Variants in ANKFN1 observed in about 807,000 individuals in gnomAD.
ANKFN1 encodes ankyrin repeat and fibronectin type-III domain-containing protein 1.
A neutral mutation model predicts 108.7 loss-of-function variants in ANKFN1; 74 were observed. The ratio of observed to expected loss-of-function variants is 0.68; its 90% CI spans 0.56 to 0.83. The LOEUF is 0.83. Ranked by LOEUF, ANKFN1 falls within the 40% of genes least tolerant of loss-of-function variation. The probability of loss-of-function intolerance (pLI) is 0.00; values close to 1 mark genes in which losing one functional copy is unlikely to be tolerated. For missense variants in ANKFN1, 1,505 were observed against 1,382.3 expected, an observed-to-expected ratio of 1.09 and a Z score of -1.41; for synonymous variants, 547 against 516.2, an observed-to-expected ratio of 1.06 and a Z score of -0.81.
intron 4 of ANKFN1, among the ~76,000 whole-genome samples, chr17:56,056,207 C>G (rs1028927909): frequency 6.6e-6 from 1 of 151,934 alleles, no homozygotes; most frequent in Non-Finnish European, 1.5e-5. Flanking sequence ...TTTTCTTTTG[C>G]TGTGCAGACT....
intron 4 of ANKFN1, among the ~76,000 whole-genome samples, chr17:56,081,039 CA>C (rs1905239715): frequency 6.6e-6 from 1 of 152,080 alleles, no homozygotes; most frequent in Non-Finnish European, 1.5e-5. Context: ...GCGTGGAATA[CA>C]AAGACCTGGC....
At chr17:56,079,673 C>T (rs907108165) in intron 4 of ANKFN1, among the ~76,000 whole-genome samples, 7 of 152,182 alleles carry the variant, frequency 4.6e-5, no homozygotes, top group Non-Finnish European at 7.3e-5. Flanking sequence ...AAAAAAGAAG[C>T]TTCCTGCTCT....
intron 18 of ANKFN1, among the ~76,000 whole-genome samples, chr17:56,483,461 C>G (rs2050773004): frequency 6.6e-6 from 1 of 152,214 alleles, no homozygotes; most frequent in Non-Finnish European, 1.5e-5. Flanking sequence ...GCAACTGCAT[C>G]TGAATTTATC....
chr17:56,436,068 A>C (rs981994207), intron 8 of ANKFN1, among the ~76,000 whole-genome samples: 2 of 152,022 alleles, frequency 1.3e-5, no homozygotes, highest in South Asian at 4.1e-4. Context: ...TTTTCATTTT[A>C]ATCTTCCAGC....
In ANKFN1 at chr17:56,516,257, AGTGTGTGT is replaced by A. The variant is rs71139913; in HGVS notation, c.*5006_*5013del. ...GTTTGATGTTTGTGATTTTTAAAAA[AGTGTGTGT>A]GTGTGTGTGTGTGTGTGCGTGTGTG... On this transcript the variant is annotated 3_prime_UTR_variant, in exon 21 of 21. Transcript: ENST00000682825. Among the ~76,000 whole-genome samples the A allele has an allele frequency of 2.0e-5, 3 of 148,454 alleles. No individual in the cohort carries two copies. The highest frequency in any genetic ancestry group is 2.1e-4 in the South Asian group (1 of 4,654).
intron 1 of ANKFN1, among the ~76,000 whole-genome samples, chr17:56,193,967 T>G (rs1913254279): frequency 6.6e-6 from 1 of 152,136 alleles, no homozygotes; most frequent in East Asian, 1.9e-4. Flanking sequence ...GAGGCAAAGA[T>G]CTTAACAGAT....
chr17:56,169,986 G>T (rs1415638633), intron 1 of ANKFN1, among the ~76,000 whole-genome samples: 2 of 152,246 alleles, frequency 1.3e-5, no homozygotes, highest in African/African-American at 4.8e-5. Flanking sequence ...CCCTGATCAG[G>T]TCGATCTGGT....
chr17:56,223,226 A>G (rs911732744), intron 2 of ANKFN1, among the ~76,000 whole-genome samples: 1 of 152,214 alleles, frequency 6.6e-6, no homozygotes, highest in African/African-American at 2.4e-5. Context: ...ATAACCTCAC[A>G]TGCTGTTGAT....
At chr17:56,107,867 A>AT (rs1201382187) in intron 4 of ANKFN1, among the ~76,000 whole-genome samples, 2 of 152,000 alleles carry the variant, frequency 1.3e-5, no homozygotes, top group Admixed American at 6.6e-5. Context: ...TTTTTTAAAT[A>AT]TTTTTATTTT....
intron 8 of ANKFN1, among the ~76,000 whole-genome samples, chr17:56,409,736 C>A (rs1240085413): frequency 6.6e-6 from 1 of 152,038 alleles, no homozygotes. Context: ...CTTAATATGC[C>A]TAGCTTTTTT....
At chr17:56,477,698 G>C in intron 16 of ANKFN1, 44 bp downstream of exon 16, 1 of 1,591,724 alleles carries the variant, frequency 6.3e-7, no homozygotes, top group Non-Finnish European at 8.6e-7. Context: ...TGAAACAGTG[G>C]CTCAAGTGAC....
chr17:56,142,222 C>T (rs1050940223), intron 4 of ANKFN1, among the ~76,000 whole-genome samples: 1 of 152,092 alleles, frequency 6.6e-6, no homozygotes, highest in Non-Finnish European at 1.5e-5. Context: ...AGCCACCGCA[C>T]CTGGCCAGCT....
At chr17:56,173,959 A>G (rs1272827066) in intron 1 of ANKFN1, among the ~76,000 whole-genome samples, 1 of 152,244 alleles carries the variant, frequency 6.6e-6, no homozygotes, top group African/African-American at 2.4e-5. Context: ...ATCTGCCCTG[A>G]GTATTCCTTC....
intron 15 of ANKFN1, among the ~76,000 whole-genome samples, chr17:56,473,929 A>G (rs2050411499): frequency 6.6e-6 from 1 of 152,166 alleles, no homozygotes; most frequent in African/African-American, 2.4e-5. Context: ...TCTGACCCCC[A>G]CATGTTTTTC....
Position 56,510,924 on chromosome 17 carries a change from C to T in ANKFN1, c.3096C>T (p.Gly1032=), listed in dbSNP as rs76119621. ...CCCAGTCGCTATCGCTCTCTGAGGG[C>T]ATTTATACACAGCACCTGTCCCAGG... ...SETQSLSLSE[G]IYTQHLSQAC... is the part of the protein sequence containing the mutation. The change falls in exon 21 of 21, where the codon GGC becomes GGT. Residue 1032 remains glycine, a synonymous_variant. Transcript: ENST00000682825. 559 of 1,536,154 alleles carry T rather than the reference C, an allele frequency of 3.6e-4. 3 individuals are homozygous for T. The East Asian group carries it at 0.011, about 31-fold the overall frequency.
intron 11 of ANKFN1, among the ~76,000 whole-genome samples, chr17:56,455,677 A>G (rs2049667020): frequency 6.6e-6 from 1 of 152,226 alleles, no homozygotes; most frequent in South Asian, 2.1e-4. Flanking sequence ...GCTCCATGCA[A>G]TATTATTTGC....
intron 1 of ANKFN1, among the ~76,000 whole-genome samples, chr17:56,185,193 G>A (rs962964058): frequency 6.6e-6 from 1 of 152,064 alleles, no homozygotes; most frequent in Non-Finnish European, 1.5e-5. Context: ...ATACTGATGT[G>A]ACTTCCCCCA....
chr17:56,141,733 A>G (rs1162892790), intron 4 of ANKFN1, among the ~76,000 whole-genome samples: 1 of 152,044 alleles, frequency 6.6e-6, no homozygotes, highest in Admixed American at 6.6e-5. Context: ...TTGAATTTCC[A>G]CACAAATCCT....
At chr17:56,401,358 ATTGTATTGTATTGTGTTGTGTTGTG>A (rs1441588084) in intron 8 of ANKFN1, among the ~76,000 whole-genome samples, 4 of 90,674 alleles carry the variant, frequency 4.4e-5, no homozygotes, top group African/African-American at 1.4e-4. Flanking sequence ...ATTGTATTGT[ATTGTATTGTATTGTGTTGTGTTGTG>A]TTGTGTTGTG....
Sources: allele counts gnomAD v4.1 joint callset (sites outside exome capture counted in the v4.1 genomes callset), GRCh38; gene constraint gnomAD v4.1.1; transcripts MANE v1.5; gene names NCBI Gene and HGNC (gene_info 2026-07-23, HGNC 2026-07-21).